PARP9: variants seen among roughly 807,000 people sequenced by gnomAD.
The protein encoded by PARP9 is protein mono-ADP-ribosyltransferase PARP9.
A neutral mutation model predicts 68.8 loss-of-function variants in PARP9; 48 were observed. That is an observed-to-expected ratio of 0.70 (90% CI 0.55 to 0.89). The LOEUF (loss-of-function observed/expected upper bound fraction) is 0.89. PARP9 is among the 40% of genes least tolerant of loss of function. The pLI, the probability that PARP9 is intolerant of heterozygous loss-of-function variation, is 0.00. For missense variants in PARP9, 806 were observed against 969.3 expected (o/e 0.83, Z 2.24); for synonymous variants, 309 against 333.8 (o/e 0.93, Z 0.81).
chr3:122,546,985 T>C (rs1383377922), intron 6 of PARP9, among the ~76,000 whole-genome samples: 2 of 71,722 alleles, frequency 2.8e-5, no homozygotes, highest in African/African-American at 5.3e-5. Flanking sequence ...TATATATATA[T>C]ATATATATAT....
chr3:122,547,099 C>T (rs1472110000), intron 6 of PARP9, among the ~76,000 whole-genome samples: 8 of 115,806 alleles, frequency 6.9e-5, no homozygotes, highest in Admixed American at 2.8e-4. Flanking sequence ...TATATATACA[C>T]GTATTTTTTT....
chr3:122,555,510 C>T lies in PARP9; in HGVS notation c.661G>A (p.Val221Ile), dbSNP rs1281401822. Residue 221 changes from valine (V) to isoleucine (I), a missense_variant, in exon 4 of 11, where the codon GTA becomes ATA. This residue lies in a region of PARP9 where 680 missense variants were observed against 858.8 expected (regional missense o/e 0.79). Coordinates refer to ENST00000682323, the MANE Select transcript of PARP9 (RefSeq NM_001146105.2). The part of the protein sequence containing the change: ...FPLNLCTKTI[V>I]ETIRVSLQGK... The stretch of plus-strand genomic sequence containing the variant: ...TGCAAACTAACCCGGATAGTCTCTA[C>T]AATAGTCTTTGTACACAAATTCAGA... 3.1e-6 allele frequency: 5 copies of T among 1,614,040 alleles called. No individual in the cohort carries two copies. In the South Asian group the frequency reaches 3.3e-5, roughly 11 times the overall value.
At chr3:122,551,893 T>G (rs1002175368) in intron 5 of PARP9, among the ~76,000 whole-genome samples, 2 of 152,136 alleles carry the variant, frequency 1.3e-5, no homozygotes, top group African/African-American at 4.8e-5. Context: ...AATTTAGACA[T>G]GGGTTAGGTA....
intron 10 of PARP9, chr3:122,533,653 A>G: frequency 3.1e-6 from 3 of 977,510 alleles, no homozygotes; most frequent in Non-Finnish European, 3.6e-6. Context: ...GGCCTGATTC[A>G]TAGAATGTGC....
Position 122,556,042 on chromosome 3 carries a change from C to A in PARP9, c.129G>T (p.Glu43Asp), listed in dbSNP as rs886265668. The change falls in exon 4 of 11, where the codon GAG becomes GAT. Residue 43 changes from glutamate (E) to aspartate (D), a missense_variant. Around this residue, in one of 2 missense-constraint regions of PARP9, gnomAD observed 126 missense variants for 110.5 expected, o/e 1.14. Coordinates refer to ENST00000682323, the MANE Select transcript of PARP9 (RefSeq NM_001146105.2). ...TCTGGAGGACTTCACACAGCTGACG[C>A]TCATTATTTTTTAAAATTTTGAAGT... ...HNDFKILKNN[E>D]RQLCEVLQNK... 6.2e-7 allele frequency: 1 copy of A among 1,605,876 alleles called. No individual in the cohort carries two copies. Among genetic ancestry groups the A allele is most frequent in the Non-Finnish European group, 8.5e-7 (1 of 1,176,398 alleles).
chr3:122,559,813 AGT>A lies in PARP9; in HGVS notation c.-89-106_-89-105del, dbSNP rs549712997. The A allele has an allele frequency of 1.5e-4, 68 of 451,710 alleles. No individual in the cohort carries two copies. In the East Asian group the frequency reaches 2.3e-3, roughly 15 times the overall value. 28.0% of individuals were successfully genotyped at this position (451,710 alleles called of 1,614,324 possible). On this transcript the variant is annotated intron_variant, in intron 1 of 10. Transcript: ENST00000682323. Reference sequence around the variant, plus strand: ...CTGAACATGATTTCTGATCTTGATGAGTTCTTAATTTCCTTGATAACGATGTA... The same window carrying A: ...CTGAACATGATTTCTGATCTTGATGATCTTAATTTCCTTGATAACGATGTA...
intron 1 of PARP9, among the ~76,000 whole-genome samples, chr3:122,561,311 T>C (rs2080185266): frequency 6.6e-6 from 1 of 151,672 alleles, no homozygotes; most frequent in African/African-American, 2.4e-5. Flanking sequence ...ATACAAAAAG[T>C]TAGCTGGCCA....
intron 10 of PARP9, among the ~76,000 whole-genome samples, chr3:122,529,065 C>T (rs369859629): frequency 1.3e-5 from 2 of 151,546 alleles, no homozygotes; most frequent in African/African-American, 2.4e-5. Context: ...GATGATACCC[C>T]GTCTCTACTA....
chr3:122,560,685 C>G (rs1444859864), intron 1 of PARP9, among the ~76,000 whole-genome samples: 11 of 152,160 alleles, frequency 7.2e-5, no homozygotes, highest in Non-Finnish European at 1.6e-4. Context: ...CGCGCCTGGT[C>G]GAAATGATTT....
chr3:122,540,360 G>A (rs1268201298), intron 8 of PARP9, 112 bp downstream of exon 8: 1 of 1,322,074 alleles, frequency 7.6e-7, no homozygotes, highest in Admixed American at 2.6e-5. Context: ...CAGAATGTTT[G>A]ATCCCTCCTC....
Position 122,540,656 on chromosome 3 carries a change from C to G in PARP9, c.1581G>C (p.Leu527Phe). ...LYLGRKEHDI[L>F]SQLQKTSSVS... ...CACTTGAAGTTTTCTGAAGCTGAGA[C>G]AAAATGTCATGTTCCTTTCTCCCAA... The change falls in exon 8 of 11, where the codon TTG (leucine) becomes TTC (phenylalanine). Residue 527 changes from leucine to phenylalanine, a missense_variant. Coordinates refer to ENST00000682323, the MANE Select transcript of PARP9 (RefSeq NM_001146105.2). 1 of 1,614,120 alleles carries G rather than the reference C, an allele frequency of 6.2e-7. No homozygotes were observed. Among genetic ancestry groups the G allele is most frequent in the Non-Finnish European group, 8.5e-7 (1 of 1,180,014 alleles).
At chr3:122,529,234 TAAAAAAAAAAAA>T (rs59705545) in intron 10 of PARP9, among the ~76,000 whole-genome samples, 2 of 77,264 alleles carry the variant, frequency 2.6e-5, no homozygotes, top group Admixed American at 1.4e-4. Context: ...GCGAAACTCT[TAAAAAAAAAAAA>T]AAAAAAAAAA....
At chr3:122,538,920 G>A (rs4677957) in intron 8 of PARP9, among the ~76,000 whole-genome samples, 79,807 of 151,306 alleles carry the variant, frequency 0.53, 21,298 homozygotes, top group East Asian at 0.65. Context: ...GCGAACTCTC[G>A]CTCACTCTAA....
In PARP9 at chr3:122,552,440, T is replaced by A; in HGVS notation, c.1085A>T (p.His362Leu). 1 of 1,609,038 alleles carries A rather than the reference T, an allele frequency of 6.2e-7. No homozygotes were observed. Among genetic ancestry groups the A allele is most frequent in the Non-Finnish European group, 8.5e-7 (1 of 1,176,064 alleles). The stretch of plus-strand genomic sequence containing the variant: ...TACCTGAGGTTTAGGAAATTCTGAA[T>A]GCCACAGTACATGGTATATATATTT... ...FCKYIYHVLWHSEFPKPQILK... is the reference protein window; with the variant it reads ...FCKYIYHVLWLSEFPKPQILK... Residue 362 changes from histidine to leucine, a missense_variant, in exon 5 of 11, where the codon CAT (histidine) becomes CTT (leucine). By Grantham distance (99) the His-to-Leu change is moderately conservative. Transcript: ENST00000682323.
intron 6 of PARP9, among the ~76,000 whole-genome samples, chr3:122,548,016 AT>A (rs1471738141): frequency 6.6e-6 from 1 of 152,230 alleles, no homozygotes; most frequent in Non-Finnish European, 1.5e-5. Flanking sequence ...ATGCACCACC[AT>A]CTCACCAGTT....
In PARP9 at chr3:122,528,525, G is replaced by A. The variant is rs1471728572; in HGVS notation, c.2299C>T (p.Pro767Ser). Residue 767 changes from proline to serine, a missense_variant, in exon 11 of 11, where the codon CCT (proline) becomes TCT (serine). This residue lies in a region of PARP9 where 680 missense variants were observed against 858.8 expected (regional missense o/e 0.79). Coordinates refer to ENST00000682323, the MANE Select transcript of PARP9 (RefSeq NM_001146105.2). ...CCACTAAAAATAACAAAGGTTTCAG[G>A]GCTGGAGACATTGTCAACCACACTG... ...HDSVVDNVSS[P>S]ETFVIFSGMQ... 1 of 1,614,130 alleles carries A rather than the reference G, an allele frequency of 6.2e-7. No individual in the cohort carries two copies. Among genetic ancestry groups the A allele is most frequent in the East Asian group, 2.2e-5 (1 of 44,888 alleles).
At chr3:122,560,932 A>G (rs2080150186) in intron 1 of PARP9, among the ~76,000 whole-genome samples, 1 of 152,218 alleles carries the variant, frequency 6.6e-6, no homozygotes, top group South Asian at 2.1e-4. Context: ...TCTTCAGGCC[A>G]AGTTTTACAG....
At chr3:122,549,060 G>C (rs1301081507) in intron 6 of PARP9, among the ~76,000 whole-genome samples, 1 of 149,496 alleles carries the variant, frequency 6.7e-6, no homozygotes, top group Admixed American at 6.7e-5. Context: ...TGTTGCCCAA[G>C]CCCGGGTGCA....
chr3:122,560,124 T>C (rs1421633081), intron 1 of PARP9, among the ~76,000 whole-genome samples: 3 of 152,092 alleles, frequency 2.0e-5, no homozygotes, highest in Non-Finnish European at 2.9e-5. Flanking sequence ...TGGAGAGCGT[T>C]TGAAGAAAGA....
Sources: allele counts gnomAD v4.1 joint callset (sites outside exome capture counted in the v4.1 genomes callset), GRCh38; gene constraint gnomAD v4.1.1; regional missense constraint gnomAD v4.1.1; transcripts MANE v1.5; gene names NCBI Gene and HGNC (gene_info 2026-07-23, HGNC 2026-07-21).